ADAM10: variants seen among roughly 807,000 people sequenced by gnomAD.
ADAM10 encodes disintegrin and metalloproteinase domain-containing protein 10.
A neutral mutation model predicts 90.1 loss-of-function variants in ADAM10; 17 were observed. The ratio of observed to expected loss-of-function variants is 0.19; its 90% CI spans 0.13 to 0.28. The LOEUF (loss-of-function observed/expected upper bound fraction) is 0.28, where lower values mean the gene tolerates loss of function less well. Ranked by LOEUF, ADAM10 falls within the 10% of genes least tolerant of loss-of-function variation. The pLI is 1.00. For missense variants in ADAM10, 610 were observed against 914.3 expected (o/e 0.67, Z 4.29); for synonymous variants, 310 against 298.6 (o/e 1.04, Z -0.40).
chr15:58,629,838 T>C (rs1263911540), intron 9 of ADAM10, among the ~76,000 whole-genome samples: 3 of 152,032 alleles, frequency 2.0e-5, no homozygotes, highest in Admixed American at 6.6e-5. Context: ...AGTGGCGTGA[T>C]CCTGGCTCAC....
chr15:58,679,020 A>T, intron 4 of ADAM10, 104 bp downstream of exon 4: 1 of 1,123,242 alleles, frequency 8.9e-7, no homozygotes, highest in Non-Finnish European at 1.3e-6. Flanking sequence ...TAGCCTGATT[A>T]GTAACTCAGG....
chr15:58,673,897 G>T (rs948966444), intron 4 of ADAM10, among the ~76,000 whole-genome samples: 3 of 151,972 alleles, frequency 2.0e-5, no homozygotes, highest in East Asian at 3.9e-4. Context: ...ACCACGCCCG[G>T]CTAACTTTTT....
At chr15:58,688,786 A>ATATATATATATATATCTATCTCTC in intron 2 of ADAM10, among the ~76,000 whole-genome samples, 1 of 122,394 alleles carries the variant, frequency 8.2e-6, no homozygotes, top group Admixed American at 8.2e-5. Context: ...ATATATATAT[A>ATATATATATATATATCTATCTCTC]TCTCTCTCTC....
chr15:58,679,600 A>G (rs1897373752), intron 3 of ADAM10, among the ~76,000 whole-genome samples: 1 of 152,168 alleles, frequency 6.6e-6, no homozygotes, highest in African/African-American at 2.4e-5. Context: ...TGTATGCAGT[A>G]GTCATCAATA....
intron 14 of ADAM10, chr15:58,609,539 CAT>C (rs145286417): frequency 0.047 from 7,266 of 153,316 alleles, 200 homozygotes; most frequent in Non-Finnish European, 0.061. Context: ...CACACACACA[CAT>C]ACACACTAAT....
At chr15:58,637,769 G>C (rs1366511638) in intron 8 of ADAM10, among the ~76,000 whole-genome samples, 1 of 152,052 alleles carries the variant, frequency 6.6e-6, no homozygotes, top group African/African-American at 2.4e-5. Context: ...TGAATCTGGA[G>C]TCAAAAGGTC....
chr15:58,681,972 T>C (rs1167259182), intron 3 of ADAM10, among the ~76,000 whole-genome samples: 1 of 152,198 alleles, frequency 6.6e-6, no homozygotes, highest in Non-Finnish European at 1.5e-5. Flanking sequence ...AGTCAAAATT[T>C]CACCCCTTTC....
chr15:58,719,323 T>A (rs779883250), intron 1 of ADAM10, among the ~76,000 whole-genome samples: 20 of 148,196 alleles, frequency 1.3e-4, no homozygotes, highest in Non-Finnish European at 2.5e-4. Context: ...AAATTCCGTC[T>A]CAAAGAAAAA....
intron 1 of ADAM10, among the ~76,000 whole-genome samples, chr15:58,720,194 G>C (rs1312661966): frequency 1.3e-5 from 2 of 152,082 alleles, no homozygotes; most frequent in Non-Finnish European, 2.9e-5. Flanking sequence ...CGAGCACAAA[G>C]AGCGGCATAA....
chr15:58,615,276 GAAAAAAAAAA>G (rs35628107), intron 11 of ADAM10, among the ~76,000 whole-genome samples: 1 of 84,786 alleles, frequency 1.2e-5, no homozygotes, highest in East Asian at 3.6e-4. Context: ...TCCGTCTGAA[GAAAAAAAAAA>G]AAAAAAAAAA....
At chr15:58,618,970 A>AAATAGATCTACT (rs1384487354) in intron 11 of ADAM10, among the ~76,000 whole-genome samples, 2 of 152,186 alleles carry the variant, frequency 1.3e-5, no homozygotes, top group African/African-American at 4.8e-5. Flanking sequence ...TAAAAACTAA[A>AAATAGATCTACT]AATAGATCTA....
At chr15:58,622,390 C>A (rs1895812005) in intron 10 of ADAM10, among the ~76,000 whole-genome samples, 1 of 152,204 alleles carries the variant, frequency 6.6e-6, no homozygotes. Context: ...AACTCCTCCC[C>A]TCATGGTTGC....
chr15:58,661,493 G>A (rs1896965917), intron 5 of ADAM10, among the ~76,000 whole-genome samples: 2 of 152,130 alleles, frequency 1.3e-5, no homozygotes, highest in South Asian at 2.1e-4. Context: ...TTTGTACTGT[G>A]TAATGAGAAG....
Position 58,597,655 on chromosome 15 carries a change from A to G in ADAM10, c.2153-14T>C. ...TCTTTAAAGTGCCTGTGAGCCACAA[A>G]TAAAAGCAAAGCAGATTTATTTATC... On this transcript the variant is annotated splice_polypyrimidine_tract_variant and intron_variant, in intron 15 of 15. Transcript: ENST00000260408. 6.2e-7 allele frequency: 1 copy of G among 1,613,878 alleles called. No homozygotes were observed. Among genetic ancestry groups the G allele is most frequent in the East Asian group, 2.2e-5 (1 of 44,882 alleles).
intron 11 of ADAM10, among the ~76,000 whole-genome samples, chr15:58,618,050 A>C (rs1895671310): frequency 6.6e-6 from 1 of 152,148 alleles, no homozygotes; most frequent in South Asian, 2.1e-4. Context: ...CAATCCTATA[A>C]GTCATATGAA....
intron 5 of ADAM10, among the ~76,000 whole-genome samples, chr15:58,658,071 A>T (rs1291802462): frequency 2.6e-5 from 4 of 151,882 alleles, no homozygotes; most frequent in Non-Finnish European, 5.9e-5. Flanking sequence ...TTTCATAGGG[A>T]ATTTTTGTGC....
intron 2 of ADAM10, among the ~76,000 whole-genome samples, chr15:58,693,529 T>A (rs1388268944): frequency 6.6e-6 from 1 of 152,062 alleles, no homozygotes; most frequent in Non-Finnish European, 1.5e-5. Context: ...AAAATTTATA[T>A]CCATGTGAAA....
intron 2 of ADAM10, among the ~76,000 whole-genome samples, chr15:58,709,969 G>C (rs765867118): frequency 2.6e-5 from 4 of 152,044 alleles, no homozygotes; most frequent in Non-Finnish European, 5.9e-5. Flanking sequence ...TTCCAGGTAA[G>C]GCCTGGTTAG....
intron 2 of ADAM10, among the ~76,000 whole-genome samples, chr15:58,713,878 T>C (rs184083404): frequency 6.6e-6 from 1 of 151,940 alleles, no homozygotes; most frequent in Non-Finnish European, 1.5e-5. Flanking sequence ...AGTGGCGTGA[T>C]CTCGGCTCAC....
Sources: allele counts gnomAD v4.1 joint callset (sites outside exome capture counted in the v4.1 genomes callset), GRCh38; gene constraint gnomAD v4.1.1; transcripts MANE v1.5; gene names NCBI Gene and HGNC (gene_info 2026-07-23, HGNC 2026-07-21).